The following AKAP17A variants were observed in gnomAD, a reference collection of about 807,000 sequenced individuals.
AKAP17A encodes A-kinase anchoring protein 17A.
In AKAP17A, 15 loss-of-function variants were observed where a neutral mutation model predicts 52.2. The ratio of observed to expected loss-of-function variants is 0.29; its 90% CI spans 0.19 to 0.44. The LOEUF (loss-of-function observed/expected upper bound fraction) is 0.44, where lower values mean the gene tolerates loss of function less well. Ranked by LOEUF, AKAP17A falls within the 20% of genes least tolerant of loss-of-function variation. The pLI, the probability that AKAP17A is intolerant of heterozygous loss-of-function variation, is 1.00. For synonymous variants in AKAP17A, 514 were observed against 424.7 expected (o/e 1.21, Z -2.58); for missense variants, 1,060 against 1,007.0 (o/e 1.05, Z -0.71).
At position 1,593,957 on chromosome X, in the gene AKAP17A, C is replaced by T; in HGVS notation, c.495C>T (p.Gly165=). The T allele has an allele frequency of 6.2e-7, 1 of 1,604,660 alleles. No individual in the cohort carries two copies. The highest frequency in any genetic ancestry group is 8.5e-7 in the Non-Finnish European group (1 of 1,174,456). ...PCKWFALKES[G]SEKPSEDVLV... is the part of the protein sequence containing the mutation. The stretch of plus-strand genomic sequence containing the variant: ...AGTGGTTCGCCCTGAAGGAGTCGGG[C>T]TCCGAGAAGCCCAGCGAGGACGTCC... The change falls in exon 2 of 5, where the codon GGC becomes GGT. Residue 165 remains glycine, a synonymous_variant. Transcript: ENST00000313871.
chrX:1,596,425 ATCCTCCTCCTCC>A (rs200868282), intron 3 of AKAP17A, among the ~76,000 whole-genome samples: 1 of 145,478 alleles, frequency 6.9e-6, no homozygotes, highest in Non-Finnish European at 1.5e-5. Flanking sequence ...CTGAGGCGGA[ATCCTCCTCCTCC>A]TCCTCCTCCT....
Position 1,595,247 on chromosome X carries a change from TGAGTGGTGAGC to T in AKAP17A, c.763-135_763-125del. On this transcript the variant is annotated intron_variant, in intron 2 of 4. Transcript: ENST00000313871. Reference sequence around the variant, plus strand: ...CCACTGTCTGGGTCTGCACCGGACATGAGTGGTGAGCGGTGAGCGGTGAGCGGGCGCTCAGG... The same window carrying T: ...CCACTGTCTGGGTCTGCACCGGACATGGTGAGCGGTGAGCGGGCGCTCAGG... 111 of 165,334 alleles carry T rather than the reference TGAGTGGTGAGC, an allele frequency of 6.7e-4. 42 individuals are homozygous for T. Among genetic ancestry groups the T allele is most frequent in the African/African-American group, 2.7e-3 (4 of 1,460 alleles). The allele number at this position is 165,334 out of a possible 1,614,324, so 10.2% of individuals were successfully genotyped here. A position where few individuals can be genotyped will look rare whatever the true frequency, so the allele number is the denominator to read the frequency against.
chrX:1,602,105 T>A lies in AKAP17A; in HGVS notation c.*511T>A. 1 of 155,034 alleles carries A rather than the reference T, an allele frequency of 6.5e-6. No individual in the cohort carries two copies. The highest frequency in any genetic ancestry group is 1.4e-5 in the Non-Finnish European group (1 of 70,066). The allele number at this position is 155,034 out of a possible 1,614,324, so 9.6% of individuals were successfully genotyped here. On this transcript the variant is annotated 3_prime_UTR_variant, in exon 5 of 5. Transcript: ENST00000313871. ...TGGGTGGGATGCCGAATCGTCGTGC[T>A]GACATTGAGTCACGGATGAGGAAGG...
chrX:1,592,147 A>G (rs1328932758), intron 1 of AKAP17A, among the ~76,000 whole-genome samples: 3 of 149,292 alleles, frequency 2.0e-5, no homozygotes, highest in Admixed American at 6.6e-5. Flanking sequence ...GGTCGCTCCT[A>G]GGTCTACAGT....
intron 2 of AKAP17A, 27 bp downstream of exon 2, chrX:1,594,251 C>T (rs374166120): frequency 3.3e-5 from 50 of 1,501,568 alleles, no homozygotes; most frequent in Non-Finnish European, 4.2e-5. Context: ...GAGAGAGCCA[C>T]GCGCTTCCTC....
Position 1,599,371 on chromosome X carries a change from T to C in AKAP17A, c.1091T>C (p.Leu364Pro), listed in dbSNP as rs752737615. ...ATCAAGCTGGAGGAGCGCAAGCTGCTGCTGGCCCAGAGGAACCTGCAGTCC... is the reference window on the plus strand; with the variant it reads ...ATCAAGCTGGAGGAGCGCAAGCTGCCGCTGGCCCAGAGGAACCTGCAGTCC... ...EKIKLEERKL[L>P]LAQRNLQSIR... Residue 364 changes from leucine to proline, a missense_variant, in exon 4 of 5, where the codon CTG becomes CCG. This residue lies in a region of AKAP17A where 793 missense variants were observed against 629.9 expected (regional missense o/e 1.26). Transcript: ENST00000313871. 1.3e-6 allele frequency: 2 copies of C among 1,586,128 alleles called. No individual in the cohort carries two copies. The highest frequency in any genetic ancestry group is 1.1e-5 in the South Asian group (1 of 87,554).
chrX:1,595,549 C>G lies in AKAP17A; in HGVS notation c.911+17C>G, dbSNP rs375903422. 79 of 1,613,064 alleles carry G rather than the reference C, an allele frequency of 4.9e-5. No individual in the cohort carries two copies. Among genetic ancestry groups the G allele is most frequent in the Non-Finnish European group, 6.4e-5 (76 of 1,179,736 alleles). Reference sequence around the variant, plus strand: ...GGAGGAAAGGTACCTTCTGCGGGAGCGGGCCCTCGGCGCTGGTGTCCGGCA... The same window carrying G: ...GGAGGAAAGGTACCTTCTGCGGGAGGGGGCCCTCGGCGCTGGTGTCCGGCA... On this transcript the variant is annotated intron_variant, in intron 3 of 4. Transcript: ENST00000313871.
chrX:1,598,426 TCAC>T (rs1933141013), intron 3 of AKAP17A, among the ~76,000 whole-genome samples: 1 of 152,168 alleles, frequency 6.6e-6, no homozygotes, highest in Admixed American at 6.5e-5. Flanking sequence ...CTTTGTGGCC[TCAC>T]TAGGCGGTTG....
At position 1,601,445 on chromosome X, in the gene AKAP17A, C is replaced by T. The variant is rs753125807; in HGVS notation, c.1939C>T (p.Arg647Trp). The T allele has an allele frequency of 1.2e-5, 19 of 1,572,570 alleles. No individual in the cohort carries two copies. Among genetic ancestry groups the T allele is most frequent in the Admixed American group, 3.6e-5 (2 of 55,682 alleles). Residue 647 changes from arginine to tryptophan, a missense_variant, in exon 5 of 5, where the codon CGG becomes TGG. Around this residue, in one of 2 missense-constraint regions of AKAP17A, gnomAD observed 793 missense variants for 629.9 expected, o/e 1.26. Coordinates refer to ENST00000313871, the MANE Select transcript of AKAP17A (RefSeq NM_005088.3). ...RSTSPDHTRS[R>W]RSHSKDRHRR... ...CACGAGCCCGGACCACACCCGGTCC[C>T]GGAGGTCCCACAGCAAAGACAGGCA...
Position 1,602,003 on chromosome X carries a change from T to G in AKAP17A, c.*409T>G. 1 of 189,604 alleles carries G rather than the reference T, an allele frequency of 5.3e-6. No individual in the cohort carries two copies. Among genetic ancestry groups the G allele is most frequent in the Non-Finnish European group, 1.1e-5 (1 of 93,032 alleles). The allele number at this position is 189,604 out of a possible 1,614,324, so 11.7% of individuals were successfully genotyped here. On this transcript the variant is annotated 3_prime_UTR_variant, in exon 5 of 5. Transcript: ENST00000313871. ...GGTGCACGGGCCACCATAGTCACAC[T>G]GGCACTGAAAAGAAAGCGTTGCCCT...
intron 3 of AKAP17A, among the ~76,000 whole-genome samples, chrX:1,597,955 C>G (rs1314343571): frequency 1.3e-5 from 2 of 152,270 alleles, no homozygotes; most frequent in East Asian, 3.9e-4. Flanking sequence ...TCCCCGCTGT[C>G]CCCCACTGTC....
chrX:1,593,419 T>G (rs775203596), intron 1 of AKAP17A, 25 bp from the exon 2 acceptor site: 20 of 1,578,412 alleles, frequency 1.3e-5, no homozygotes, highest in Non-Finnish European at 1.6e-5. Flanking sequence ...GTGCTGGTGC[T>G]GACTGTCTGC....
Position 1,601,173 on chromosome X carries a change from A to T in AKAP17A, c.1667A>T (p.Gln556Leu), listed in dbSNP as rs1308755230. The T allele has an allele frequency of 6.2e-7, 1 of 1,613,888 alleles. No individual in the cohort carries two copies. The highest frequency in any genetic ancestry group is 8.5e-7 in the Non-Finnish European group (1 of 1,179,780). Residue 556 changes from glutamine (Q) to leucine (L), a missense_variant, in exon 5 of 5, where the codon CAG (glutamine) becomes CTG (leucine). Coordinates refer to ENST00000313871, the MANE Select transcript of AKAP17A (RefSeq NM_005088.3). ...VLSCIPDNNQ[Q>L]PKGIPACEQN... is the part of the protein sequence containing the mutation. ...TCCTGCATTCCTGACAACAACCAACAGCCCAAGGGCATCCCTGCCTGCGAG... is the reference window on the plus strand; with the variant it reads ...TCCTGCATTCCTGACAACAACCAACTGCCCAAGGGCATCCCTGCCTGCGAG...
At chrX:1,598,957 G>A (rs1222474334) in intron 3 of AKAP17A, among the ~76,000 whole-genome samples, 10 of 152,198 alleles carry the variant, frequency 6.6e-5, no homozygotes, top group African/African-American at 9.6e-5. Context: ...TGGTTTCAGG[G>A]TTGGGTCACA....
At chrX:1,599,526 C>A in intron 4 of AKAP17A, 94 bp downstream of exon 4, 1 of 1,518,514 alleles carries the variant, frequency 6.6e-7, no homozygotes, top group Non-Finnish European at 8.9e-7. Context: ...CGCCGTTTCC[C>A]CGCCGGCTGC....
In AKAP17A at chrX:1,601,440, G is replaced by C. The variant is rs776593496; in HGVS notation, c.1934G>C (p.Arg645Pro). ...RRRSTSPDHT[R>P]SRRSHSKDRH... ...CGCAGCACGAGCCCGGACCACACCC[G>C]GTCCCGGAGGTCCCACAGCAAAGAC... Residue 645 changes from arginine (R) to proline (P), a missense_variant, in exon 5 of 5, where the codon CGG becomes CCG. By Grantham distance (103) the Arg-to-Pro change is moderately radical. Coordinates refer to ENST00000313871, the MANE Select transcript of AKAP17A (RefSeq NM_005088.3). 3.2e-6 allele frequency: 5 copies of C among 1,571,038 alleles called. No individual in the cohort carries two copies. The South Asian group carries it at 4.5e-5, about 14-fold the overall frequency.
chrX:1,598,843 G>T (rs1423913654), intron 3 of AKAP17A, among the ~76,000 whole-genome samples: 1 of 152,194 alleles, frequency 6.6e-6, no homozygotes, highest in Non-Finnish European at 1.5e-5. Flanking sequence ...GGGCCTTGTT[G>T]GGCCTGCTGG....
rs1933258451 is a variant in AKAP17A, at chrX:1,599,870, G to C, written c.1152+438G>C. The C allele has an allele frequency of 1.7e-5, 10 of 583,736 alleles. No homozygotes were observed. In the South Asian group the frequency reaches 2.0e-4, roughly 12 times the overall value. The allele number at this position is 583,736 out of a possible 1,614,324, so 36.2% of individuals were successfully genotyped here. ...TGGGGGGAGGGCTGAGCGCACAGAG[G>C]GGGCCTGCCGTGGGCCCGGGTCCCT... On this transcript the variant is annotated intron_variant, in intron 4 of 4. Coordinates refer to ENST00000313871, the MANE Select transcript of AKAP17A (RefSeq NM_005088.3).
intron 3 of AKAP17A, 30 bp from the exon 4 acceptor site, chrX:1,599,162 C>G (rs1933201825): frequency 6.2e-7 from 1 of 1,605,130 alleles, no homozygotes; most frequent in Non-Finnish European, 8.5e-7. Flanking sequence ...GCGGCGCTCT[C>G]TGTGACCACC....
Sources: allele counts gnomAD v4.1 joint callset (sites outside exome capture counted in the v4.1 genomes callset), GRCh38; gene constraint gnomAD v4.1.1; regional missense constraint gnomAD v4.1.1; transcripts MANE v1.5; gene names NCBI Gene and HGNC (gene_info 2026-07-23, HGNC 2026-07-21).